Variants in CCDC170 observed in about 807,000 individuals in gnomAD.
CCDC170 encodes coiled-coil domain-containing protein 170.
Under a neutral mutation model 72.6 loss-of-function variants are expected in CCDC170, and 69 were observed. The ratio of observed to expected loss-of-function variants is 0.95; its 90% confidence interval spans 0.78 to 1.16. The LOEUF (loss-of-function observed/expected upper bound fraction) is 1.16. Ranked by LOEUF, CCDC170 falls within the 50% of genes most tolerant of loss-of-function variation. The pLI, the probability that CCDC170 is intolerant of heterozygous loss-of-function variation, is 0.00. For synonymous variants in CCDC170, 300 were observed against 303.9 expected (o/e 0.99, Z 0.13); for missense variants, 852 against 832.5 (o/e 1.02, Z -0.29).
intron 5 of CCDC170, among the ~76,000 whole-genome samples, chr6:151,557,275 G>T (rs2115068379): frequency 6.6e-6 from 1 of 152,114 alleles, no homozygotes; most frequent in African/African-American, 2.4e-5. Flanking sequence ...CGGGTGTGGT[G>T]GTGCACGCCT....
intron 1 of CCDC170, among the ~76,000 whole-genome samples, chr6:151,499,626 G>GGTGTATAAGTGGAATCATA (rs1562820291): frequency 8.8e-6 from 1 of 113,302 alleles, no homozygotes. Context: ...TTTTAGGCAC[G>GGTGTATAAGTGGAATCATA]CTGCATAAGT....
chr6:151,522,233 C>T (rs1245587721), intron 1 of CCDC170, among the ~76,000 whole-genome samples: 1 of 152,066 alleles, frequency 6.6e-6, no homozygotes, highest in Non-Finnish European at 1.5e-5. Flanking sequence ...CAAAGATTAA[C>T]AATCCTTTAT....
intron 1 of CCDC170, among the ~76,000 whole-genome samples, chr6:151,497,952 CAAAAAAAA>C (rs59201906): frequency 3.4e-5 from 2 of 58,048 alleles, no homozygotes; most frequent in Admixed American, 2.1e-4. Context: ...CACACCATCT[CAAAAAAAA>C]AAAAAAAAAA....
At chr6:151,565,951 T>C (rs758778871) in intron 5 of CCDC170, among the ~76,000 whole-genome samples, 6 of 152,232 alleles carry the variant, frequency 3.9e-5, no homozygotes, top group Non-Finnish European at 7.3e-5. Flanking sequence ...CCTTTTACAA[T>C]TTCCAGATGG....
At chr6:151,590,010 C>T (rs1776510691) in intron 7 of CCDC170, among the ~76,000 whole-genome samples, 1 of 152,056 alleles carries the variant, frequency 6.6e-6, no homozygotes, top group African/African-American at 2.4e-5. Flanking sequence ...CCTACATTGC[C>T]CACTGCTATT....
In CCDC170 at chr6:151,534,563, C is replaced by T. The variant is rs138848490; in HGVS notation, c.58-1755C>T. Among the ~76,000 whole-genome samples the T allele has an allele frequency of 3.7e-4, 57 of 152,198 alleles. 1 individual carries two copies. Among genetic ancestry groups the T allele is most frequent in the African/African-American group, 1.3e-3 (53 of 41,528 alleles). ...GGTGGTCAGGGTGGAGAAGACCCTC[C>T]GACTATTGAATGAGTCTGAACAGGA... On this transcript the variant is annotated intron_variant, in intron 1 of 10. Coordinates refer to ENST00000239374, the MANE Select transcript of CCDC170 (RefSeq NM_025059.4).
At chr6:151,610,651 A>G (rs747031902) in intron 9 of CCDC170, among the ~76,000 whole-genome samples, 4 of 152,216 alleles carry the variant, frequency 2.6e-5, no homozygotes, top group African/African-American at 9.6e-5. Context: ...ATGTATTGGT[A>G]TCTACTATGC....
chr6:151,569,554 A>G (rs553644722), intron 5 of CCDC170, among the ~76,000 whole-genome samples: 5 of 152,110 alleles, frequency 3.3e-5, no homozygotes, highest in Non-Finnish European at 7.4e-5. Context: ...TGCTCACAGG[A>G]AGCTTTATGT....
chr6:151,579,424 G>A (rs1018602723), intron 6 of CCDC170, among the ~76,000 whole-genome samples: 3 of 152,196 alleles, frequency 2.0e-5, no homozygotes, highest in Non-Finnish European at 4.4e-5. Flanking sequence ...CTGAAGCTAC[G>A]TTCTGTGATC....
chr6:151,562,522 T>A (rs1015572646), intron 5 of CCDC170, among the ~76,000 whole-genome samples: 1 of 152,214 alleles, frequency 6.6e-6, no homozygotes, highest in Non-Finnish European at 1.5e-5. Context: ...GTGTGGTGGC[T>A]TTATCAGACC....
chr6:151,548,932 A>G (rs6557146), intron 5 of CCDC170, among the ~76,000 whole-genome samples: 134,386 of 151,032 alleles, frequency 0.89, 59,910 homozygotes, highest in East Asian at 0.99. Context: ...ACGGAGTCTC[A>G]CTCTGTCACC....
intron 5 of CCDC170, among the ~76,000 whole-genome samples, chr6:151,554,938 G>A (rs1224465859): frequency 1.4e-5 from 2 of 141,988 alleles, no homozygotes; most frequent in Non-Finnish European, 3.0e-5. Flanking sequence ...GAGTGCAGTG[G>A]TGTGACCTCG....
chr6:151,547,675 C>T (rs1399505416), intron 4 of CCDC170, among the ~76,000 whole-genome samples: 8 of 152,258 alleles, frequency 5.3e-5, no homozygotes, highest in Admixed American at 5.2e-4. Context: ...CCTGGCCCTA[C>T]AGAGTGAAAT....
intron 1 of CCDC170, among the ~76,000 whole-genome samples, chr6:151,495,460 T>A (rs1374281602): frequency 1.3e-5 from 2 of 152,046 alleles, no homozygotes; most frequent in African/African-American, 4.8e-5. Context: ...TCTTTCTCTC[T>A]CCTTTTTTTC....
chr6:151,530,835 T>G (rs1782481620), intron 1 of CCDC170, among the ~76,000 whole-genome samples: 1 of 152,154 alleles, frequency 6.6e-6, no homozygotes, highest in Admixed American at 6.5e-5. Flanking sequence ...AGGTGGGACA[T>G]TTCTCATTTT....
At chr6:151,589,844 A>G (rs1262727615) in intron 7 of CCDC170, among the ~76,000 whole-genome samples, 1 of 151,774 alleles carries the variant, frequency 6.6e-6, no homozygotes. Flanking sequence ...TGGCCTCTCC[A>G]TCTTCCCTCT....
chr6:151,560,066 A>G (rs929114610), intron 5 of CCDC170, among the ~76,000 whole-genome samples: 1 of 151,146 alleles, frequency 6.6e-6, no homozygotes, highest in Non-Finnish European at 1.5e-5. Context: ...TATGTTTTTG[A>G]TGTATGCATT....
chr6:151,503,070 G>A (rs375322440), intron 1 of CCDC170, among the ~76,000 whole-genome samples: 3 of 152,026 alleles, frequency 2.0e-5, no homozygotes, highest in East Asian at 1.9e-4. Flanking sequence ...CCAGCTGCTC[G>A]GGAAGCTGAG....
chr6:151,563,302 G>A (rs377720726), intron 5 of CCDC170, among the ~76,000 whole-genome samples: 2 of 152,218 alleles, frequency 1.3e-5, no homozygotes, highest in African/African-American at 4.8e-5. Flanking sequence ...AACTGCATAA[G>A]TGGGGTGGAG....
Sources: gnomAD v4.1 joint callset for allele counts (sites outside exome capture counted in the v4.1 genomes callset) on GRCh38, gnomAD v4.1.1 for gene constraint, MANE v1.5 for transcripts, NCBI Gene and HGNC (gene_info 2026-07-23, HGNC 2026-07-21) for gene names.